The following HS3ST3B1 variants were observed in gnomAD, a reference collection of about 807,000 sequenced individuals.
HS3ST3B1 encodes the protein heparan sulfate glucosamine 3-O-sulfotransferase 3B1.
A neutral mutation model predicts 21.3 loss-of-function variants in HS3ST3B1; 13 were observed. The observed-to-expected ratio is 0.61, with a 90% confidence interval of 0.40 to 0.97. HS3ST3B1 has a LOEUF of 0.97. Ranked by LOEUF, HS3ST3B1 falls within the 50% of genes least tolerant of loss-of-function variation. HS3ST3B1 has a pLI of 0.00. For missense variants in HS3ST3B1, 459 were observed against 554.8 expected (o/e 0.83, Z 1.73); for synonymous variants, 234 against 254.8 (o/e 0.92, Z 0.78).
rs765363812 is a variant in HS3ST3B1, at chr17:14,330,078, G to T, written c.555-14950G>T. Among the ~76,000 whole-genome samples the T allele has an allele frequency of 5.3e-5, 8 of 152,348 alleles. No homozygotes were observed. In the South Asian group the frequency reaches 8.3e-4, roughly 16 times the overall value. ...TTGTGCACTTGCCTGAGGCCACACA[G>T]CCTGACCTTGAACTCCACTTTTCTT... On this transcript the variant is annotated intron_variant, in intron 1 of 1. Transcript: ENST00000360954.
Position 14,346,952 on chromosome 17 carries a change from G to C in HS3ST3B1, c.*1306G>C, listed in dbSNP as rs1910599672. On this transcript the variant is annotated 3_prime_UTR_variant, in exon 2 of 2. Coordinates refer to ENST00000360954, the MANE Select transcript of HS3ST3B1 (RefSeq NM_006041.3). ...AGAGCCAGCCAGTGTTGGGCAGCAGGCTCACAGCCTCAATAGGGAGAAAAG... is the reference window on the plus strand; with the variant it reads ...AGAGCCAGCCAGTGTTGGGCAGCAGCCTCACAGCCTCAATAGGGAGAAAAG... The C allele has an allele frequency of 6.6e-6, 1 of 152,174 alleles. No homozygotes were observed. The highest frequency in any genetic ancestry group is 1.5e-5 in the Non-Finnish European group (1 of 68,090). 9.4% of individuals were successfully genotyped at this position (152,174 alleles called of 1,614,324 possible).
intron 1 of HS3ST3B1, among the ~76,000 whole-genome samples, chr17:14,342,428 A>C (rs1294891702): frequency 3.3e-5 from 5 of 152,196 alleles, no homozygotes; most frequent in Admixed American, 2.0e-4. Flanking sequence ...ATCAAAGCTT[A>C]GTATCCACTT....
Position 14,301,882 on chromosome 17 carries a change from C to T in HS3ST3B1, c.364C>T (p.Pro122Ser). 6.2e-7 allele frequency: 1 copy of T among 1,606,420 alleles called. No homozygotes were observed. The highest frequency in any genetic ancestry group is 8.5e-7 in the Non-Finnish European group (1 of 1,177,452). Residue 122 changes from proline to serine, a missense_variant, in exon 1 of 2, where the codon CCA becomes TCA. Pro to Ser is a moderately conservative substitution (Grantham distance 74). Transcript: ENST00000360954. The stretch of plus-strand genomic sequence containing the variant: ...GCAGAGTCCCGAGGTGCCGGACTCC[C>T]CAAGCCCCATCTCCAGCTTTTTCAG... ...EEQSPEVPDS[P>S]SPISSFFSGS...
Position 14,301,906 on chromosome 17 carries a change from A to G in HS3ST3B1, c.388A>G (p.Ser130Gly), listed in dbSNP as rs1255179817. 6.2e-7 allele frequency: 1 copy of G among 1,609,646 alleles called. No homozygotes were observed. Among genetic ancestry groups the G allele is most frequent in the Admixed American group, 1.7e-5 (1 of 59,504 alleles). Residue 130 changes from serine (S) to glycine (G), a missense_variant, in exon 1 of 2, where the codon AGT becomes GGT. By Grantham distance (56) the Ser-to-Gly change is moderately conservative. This residue lies in a region of HS3ST3B1 where 317 missense variants were observed against 278.6 expected (regional missense o/e 1.14). Transcript: ENST00000360954. ...DSPSPISSFF[S>G]GSGSKQLPQA... ...CCCAAGCCCCATCTCCAGCTTTTTC[A>G]GTGGGTCTGGGAGCAAGCAGCTGCC...
intron 1 of HS3ST3B1, among the ~76,000 whole-genome samples, chr17:14,337,826 A>AT (rs1006835479): frequency 1.3e-5 from 2 of 151,332 alleles, no homozygotes; most frequent in East Asian, 3.9e-4. Flanking sequence ...TTGTCTTCTC[A>AT]TTTTTTCCCC....
chr17:14,319,454 A>G (rs1486857605), intron 1 of HS3ST3B1, among the ~76,000 whole-genome samples: 2 of 152,134 alleles, frequency 1.3e-5, no homozygotes, highest in Non-Finnish European at 2.9e-5. Context: ...GATTCCAGCT[A>G]GTTCTTGGTT....
intron 1 of HS3ST3B1, among the ~76,000 whole-genome samples, chr17:14,314,757 C>T (rs371268063): frequency 3.3e-5 from 5 of 152,280 alleles, no homozygotes; most frequent in Admixed American, 1.3e-4. Context: ...ACATTCTGCC[C>T]TCCCTGCCCC....
chr17:14,328,311 A>C (rs1322757300), intron 1 of HS3ST3B1: 1 of 152,218 alleles, frequency 6.6e-6, no homozygotes, highest in Non-Finnish European at 1.5e-5. Flanking sequence ...GATCTGTTGC[A>C]AAGGTATCGG....
chr17:14,301,719 G>A lies in HS3ST3B1; in HGVS notation c.201G>A (p.Gly67=). The A allele has an allele frequency of 6.2e-7, 1 of 1,603,226 alleles. No homozygotes were observed. Among genetic ancestry groups the A allele is most frequent in the Admixed American group, 1.7e-5 (1 of 59,472 alleles). The change falls in exon 1 of 2, where the codon GGG becomes GGA. Residue 67 remains glycine (G), a synonymous_variant. Transcript: ENST00000360954. Reference sequence around the variant, plus strand: ...CGGGGCTGCTGCTCCTGGGCTCTGGGTCCCGCGCCGCACACGACCCGCCAG... The same window carrying A: ...CGGGGCTGCTGCTCCTGGGCTCTGGATCCCGCGCCGCACACGACCCGCCAG... ...AAPGLLLLGS[G]SRAAHDPPAL...
intron 1 of HS3ST3B1, among the ~76,000 whole-genome samples, chr17:14,305,735 A>C (rs1268099863): frequency 1.3e-5 from 2 of 152,180 alleles, no homozygotes; most frequent in Non-Finnish European, 2.9e-5. Flanking sequence ...CATTAAACAA[A>C]GTATACCGTA....
intron 1 of HS3ST3B1, chr17:14,329,270 C>A (rs1909904687): frequency 6.8e-6 from 1 of 147,268 alleles, no homozygotes; most frequent in African/African-American, 2.5e-5. Context: ...TCCTTCTCAA[C>A]CTAATTGTGT....
At chr17:14,318,217 T>A (rs1343191704) in intron 1 of HS3ST3B1, among the ~76,000 whole-genome samples, 1 of 152,182 alleles carries the variant, frequency 6.6e-6, no homozygotes, top group African/African-American at 2.4e-5. Context: ...TCCAGCCCGA[T>A]GGTGTGGAGA....
intron 1 of HS3ST3B1, among the ~76,000 whole-genome samples, chr17:14,312,070 G>A (rs1909321160): frequency 6.7e-6 from 1 of 149,886 alleles, no homozygotes; most frequent in African/African-American, 2.5e-5. Flanking sequence ...AAGGAAGTAA[G>A]AAGGGGCCAG....
rs151065731 is a variant in HS3ST3B1 at position 14,340,382 on chromosome 17, C to T, written c.555-4646C>T. Among the ~76,000 whole-genome samples the T allele has an allele frequency of 1.4e-3, 214 of 152,072 alleles. 2 individuals are homozygous for T. Among genetic ancestry groups the T allele is most frequent in the African/African-American group, 4.4e-3 (182 of 41,496 alleles). On this transcript the variant is annotated intron_variant, in intron 1 of 1. Coordinates refer to ENST00000360954, the MANE Select transcript of HS3ST3B1 (RefSeq NM_006041.3). ...CCAGAATTCCCCTTACCCCTCATGG[C>T]GCCTCGTAGTAAGTTTCTATCCACT...
intron 1 of HS3ST3B1, among the ~76,000 whole-genome samples, chr17:14,336,308 G>A (rs1171642357): frequency 2.0e-5 from 3 of 152,320 alleles, no homozygotes; most frequent in East Asian, 3.9e-4. Flanking sequence ...AGTTCAAACA[G>A]TAACTTCAAT....
In HS3ST3B1 at chr17:14,301,535, G is replaced by A; in HGVS notation, c.17G>A (p.Ser6Asn). 1 of 1,572,636 alleles carries A rather than the reference G, an allele frequency of 6.4e-7. No homozygotes were observed. Among genetic ancestry groups the A allele is most frequent in the Non-Finnish European group, 8.6e-7 (1 of 1,167,808 alleles). The change falls in exon 1 of 2, where the codon AGT (serine) becomes AAT (asparagine). Residue 6 changes from serine (S) to asparagine (N), a missense_variant. Coordinates refer to ENST00000360954, the MANE Select transcript of HS3ST3B1 (RefSeq NM_006041.3). The part of the protein sequence containing the change: MGQRL[S>N]GGRSCLDVPG... ...GGGCAGCGCATGGGGCAGCGCCTGA[G>A]TGGCGGCAGATCTTGCCTCGATGTC...
intron 1 of HS3ST3B1, chr17:14,304,186 C>A (rs1274760256): frequency 6.6e-6 from 1 of 152,170 alleles, no homozygotes; most frequent in Admixed American, 6.5e-5. Context: ...AAGGGCTTGG[C>A]TGGGCCGCGG....
At chr17:14,315,348 C>G (rs1909464735) in intron 1 of HS3ST3B1, among the ~76,000 whole-genome samples, 2 of 152,228 alleles carry the variant, frequency 1.3e-5, no homozygotes, top group Non-Finnish European at 2.9e-5. Context: ...ATACAATTAG[C>G]AACACGCACA....
chr17:14,340,638 A>G (rs1597603222), intron 1 of HS3ST3B1, among the ~76,000 whole-genome samples: 1 of 152,082 alleles, frequency 6.6e-6, no homozygotes, highest in Non-Finnish European at 1.5e-5. Context: ...GATGGAGTGC[A>G]GTGGCGCGAT....
Sources: gnomAD v4.1 joint callset for allele counts (sites outside exome capture counted in the v4.1 genomes callset) on GRCh38, gnomAD v4.1.1 for gene constraint, gnomAD v4.1.1 regional missense constraint, MANE v1.5 for transcripts, NCBI Gene and HGNC (gene_info 2026-07-23, HGNC 2026-07-21) for gene names.